The following ARMS2 variants were observed in gnomAD, a reference collection of about 807,000 sequenced individuals.
The protein encoded by ARMS2 is age-related maculopathy susceptibility 2.
In ARMS2, 4 loss-of-function variants were observed where a neutral mutation model predicts 6.0. That is an observed-to-expected ratio of 0.67 (90% confidence interval 0.33 to 1.53). ARMS2 has a LOEUF of 1.53. ARMS2 is among the 40% of genes most tolerant of loss of function. ARMS2 has a pLI of 0.06. For missense variants in ARMS2, 99 were observed against 127.6 expected, an observed-to-expected ratio of 0.78 and a Z score of 1.08; for synonymous variants, 49 against 51.7, an observed-to-expected ratio of 0.95 and a Z score of 0.22.
rs770576283 is a variant in ARMS2 at position 122,454,950 on chromosome 10, C to T, written c.223C>T (p.Leu75Phe). 6.2e-7 allele frequency: 1 copy of T among 1,613,932 alleles called. No homozygotes were observed. Among genetic ancestry groups the T allele is most frequent in the Admixed American group, 1.7e-5 (1 of 60,024 alleles). The stretch of plus-strand genomic sequence containing the variant: ...CCCAGCTGCTAAAATCCACACTGAG[C>T]TCTGCTTACCAGCCTTCTTCTCTCC... Reference protein sequence around the residue: ...MIPAAKIHTELCLPAFFSPAG... With the variant: ...MIPAAKIHTEFCLPAFFSPAG... Residue 75 changes from leucine to phenylalanine, a missense_variant, in exon 1 of 2, where the codon CTC (leucine) becomes TTC (phenylalanine). Transcript: ENST00000528446.
rs532010317 is a variant in ARMS2 at position 122,454,968 on chromosome 10, TTC to T, written c.246_247del (p.Pro83CysfsTer45). The T allele has an allele frequency of 2.9e-4, 468 of 1,613,652 alleles. 3 individuals carry two copies. The African/African-American group carries it at 5.7e-3, about 20-fold the overall frequency. On this transcript the variant is annotated frameshift_variant, in exon 1 of 2. Coordinates refer to ENST00000528446, the MANE Select transcript of ARMS2 (RefSeq NM_001099667.3). LOFTEE classifies it high-confidence loss of function. Reference protein sequence around the residue: ...IHTELCLPAFFSPAGTQRRFQ... With the variant: ...IHTELCLPAFXSPAGTQRRFQ... ...CACTGAGCTCTGCTTACCAGCCTTCTTCTCTCCTGCTGGAACCCAGAGGAGGT... is the reference window on the plus strand; with the variant it reads ...CACTGAGCTCTGCTTACCAGCCTTCTTCTCCTGCTGGAACCCAGAGGAGGT...
chr10:122,454,722 C>A lies in ARMS2; in HGVS notation c.-6C>A. ...TTTGTCACCACATTATGTCCCTGTACCCTACATGCTGCGCCTATACCCAGG... is the reference window on the plus strand; with the variant it reads ...TTTGTCACCACATTATGTCCCTGTAACCTACATGCTGCGCCTATACCCAGG... On this transcript the variant is annotated 5_prime_UTR_variant, in exon 1 of 2. An upstream open reading frame in the 5' UTR gains an earlier in-frame stop. Transcript: ENST00000528446. 1 of 1,613,308 alleles carries A rather than the reference C, an allele frequency of 6.2e-7. No homozygotes were observed. Among genetic ancestry groups the A allele is most frequent in the Non-Finnish European group, 8.5e-7 (1 of 1,179,732 alleles).
At position 122,455,348 on chromosome 10, in the gene ARMS2, C is replaced by T. The variant is rs113478704; in HGVS notation, c.297+324C>T. 7.6e-3 allele frequency among the ~76,000 whole-genome samples: 1,158 copies of T among 152,292 alleles called. 21 individuals carry two copies. Among genetic ancestry groups the T allele is most frequent in the African/African-American group, 0.026 (1,078 of 41,554 alleles). ...AGGCCATCTGAGTGGCCCCTCAAGC[C>T]GGTGAATTGGCTTTAGGGTTTACTG... On this transcript the variant is annotated intron_variant, in intron 1 of 1. Coordinates refer to ENST00000528446, the MANE Select transcript of ARMS2 (RefSeq NM_001099667.3).
chr10:122,455,337 G>A (rs2097476326), intron 1 of ARMS2, among the ~76,000 whole-genome samples: 1 of 152,200 alleles, frequency 6.6e-6, no homozygotes, highest in Non-Finnish European at 1.5e-5. Context: ...CATCTGAGTG[G>A]CCCCTCAAGC....
chr10:122,455,450 A>G (rs1341194746), intron 1 of ARMS2, among the ~76,000 whole-genome samples: 2 of 152,154 alleles, frequency 1.3e-5, no homozygotes, highest in Non-Finnish European at 2.9e-5. Flanking sequence ...CATTCTTTCA[A>G]TATTCTCACG....
In ARMS2 at chr10:122,457,005, T is replaced by G; in HGVS notation, c.*72T>G. On this transcript the variant is annotated 3_prime_UTR_variant, in exon 2 of 2. Transcript: ENST00000528446. Reference sequence around the variant, plus strand: ...AGCATCAATGTGAAGCCAAAAATCCTTAGGAGGACAGAGGGAGTCCCTCAC... The same window carrying G: ...AGCATCAATGTGAAGCCAAAAATCCGTAGGAGGACAGAGGGAGTCCCTCAC... The G allele has an allele frequency of 1.9e-6, 3 of 1,547,370 alleles. No homozygotes were observed. The highest frequency in any genetic ancestry group is 2.6e-6 in the Non-Finnish European group (3 of 1,144,108).
intron 1 of ARMS2, 38 bp downstream of exon 1, chr10:122,455,062 A>G: frequency 1.7e-6 from 2 of 1,172,420 alleles, no homozygotes; most frequent in Non-Finnish European, 2.5e-6. Flanking sequence ...CCCCAGACCT[A>G]TTGAATCAGA....
intron 1 of ARMS2, among the ~76,000 whole-genome samples, chr10:122,456,698 A>T (rs1259265497): frequency 6.6e-6 from 1 of 151,824 alleles, no homozygotes; most frequent in Non-Finnish European, 1.5e-5. Flanking sequence ...GAACTTCCTC[A>T]CCTTTGTCCT....
chr10:122,457,217 A>G lies in ARMS2; in HGVS notation c.*284A>G. The G allele has an allele frequency of 5.3e-6, 2 of 375,820 alleles. No homozygotes were observed. The highest frequency in any genetic ancestry group is 9.5e-6 in the Non-Finnish European group (2 of 211,320). 23.3% of individuals were successfully genotyped at this position (375,820 alleles called of 1,614,324 possible). A position where few individuals can be genotyped will look rare whatever the true frequency, so the allele number is the denominator to read the frequency against. ...TTCTCAACCCTTGAGATGCAGCCCA[A>G]TCTTCTCCTAACATCTGGATTCCTC... On this transcript the variant is annotated 3_prime_UTR_variant, in exon 2 of 2. Transcript: ENST00000528446.
intron 1 of ARMS2, among the ~76,000 whole-genome samples, chr10:122,456,484 A>G (rs954743083): frequency 6.6e-6 from 1 of 151,422 alleles, no homozygotes; most frequent in Non-Finnish European, 1.5e-5. Flanking sequence ...GTGAAACCCC[A>G]TCTCTACTAA....
chr10:122,457,143 G>C lies in ARMS2; in HGVS notation c.*210G>C. ...TTCCCCACCTGGGCGGACTCATCAC[G>C]TCATCACCAATTGGATGCATCTTCT... On this transcript the variant is annotated 3_prime_UTR_variant, in exon 2 of 2. Transcript: ENST00000528446. The C allele has an allele frequency of 3.5e-6, 2 of 577,772 alleles. No homozygotes were observed. Among genetic ancestry groups the C allele is most frequent in the Non-Finnish European group, 6.0e-6 (2 of 331,770 alleles). 35.8% of individuals were successfully genotyped at this position (577,772 alleles called of 1,614,324 possible).
Position 122,457,146 on chromosome 10 carries a change from A to G in ARMS2, c.*213A>G, listed in dbSNP as rs1407621786. The G allele has an allele frequency of 5.2e-6, 3 of 573,432 alleles. No homozygotes were observed. Among genetic ancestry groups the G allele is most frequent in the East Asian group, 2.9e-5 (1 of 34,126 alleles). 35.5% of individuals were successfully genotyped at this position (573,432 alleles called of 1,614,324 possible). On this transcript the variant is annotated 3_prime_UTR_variant, in exon 2 of 2. Transcript: ENST00000528446. ...CCCACCTGGGCGGACTCATCACGTCATCACCAATTGGATGCATCTTCTGCT... is the reference window on the plus strand; with the variant it reads ...CCCACCTGGGCGGACTCATCACGTCGTCACCAATTGGATGCATCTTCTGCT...
Position 122,456,895 on chromosome 10 carries a change from T to G in ARMS2, c.298-12T>G, listed in dbSNP as rs546339512. Reference sequence around the variant, plus strand: ...TTAAAAATGCATATTACTAAATCTATTTTTTTTTCAGTCTATCATCCACAC... The same window carrying G: ...TTAAAAATGCATATTACTAAATCTAGTTTTTTTTCAGTCTATCATCCACAC... On this transcript the variant is annotated splice_polypyrimidine_tract_variant and intron_variant, in intron 1 of 1. Transcript: ENST00000528446. The G allele has an allele frequency of 3.3e-6, 5 of 1,515,724 alleles. No individual in the cohort carries two copies. The highest frequency in any genetic ancestry group is 1.2e-5 in the South Asian group (1 of 81,746). The allele number at this position is 1,515,724 out of a possible 1,614,324, so 93.9% of individuals were successfully genotyped here. A position where few individuals can be genotyped will look rare whatever the true frequency, so the allele number is the denominator to read the frequency against.
At chr10:122,456,071 A>G (rs939580355) in intron 1 of ARMS2, among the ~76,000 whole-genome samples, 1 of 152,154 alleles carries the variant, frequency 6.6e-6, no homozygotes, top group South Asian at 2.1e-4. Flanking sequence ...GATTTAGGGG[A>G]AGGGTTCGCC....
At chr10:122,456,524 A>G (rs1208730460) in intron 1 of ARMS2, among the ~76,000 whole-genome samples, 4 of 151,920 alleles carry the variant, frequency 2.6e-5, no homozygotes, top group Non-Finnish European at 5.9e-5. Context: ...GCATGGTGGC[A>G]GCACCTGTAA....
chr10:122,456,980 A>G lies in ARMS2; in HGVS notation c.*47A>G. The G allele has an allele frequency of 6.4e-7, 1 of 1,550,892 alleles. No homozygotes were observed. The highest frequency in any genetic ancestry group is 2.4e-5 in the East Asian group (1 of 40,898). On this transcript the variant is annotated 3_prime_UTR_variant, in exon 2 of 2. Coordinates refer to ENST00000528446, the MANE Select transcript of ARMS2 (RefSeq NM_001099667.3). Reference sequence around the variant, plus strand: ...TAAAAGCCAACTGGAGCTTCTCATCAGCATCAATGTGAAGCCAAAAATCCT... The same window carrying G: ...TAAAAGCCAACTGGAGCTTCTCATCGGCATCAATGTGAAGCCAAAAATCCT...
rs2097475771 is a variant in ARMS2 at position 122,454,733 on chromosome 10, G to A, written c.6G>A (p.Leu2=). 3.1e-6 allele frequency: 5 copies of A among 1,613,764 alleles called. No homozygotes were observed. Among genetic ancestry groups the A allele is most frequent in the Non-Finnish European group, 3.4e-6 (4 of 1,179,854 alleles). The change falls in exon 1 of 2, where the codon CTG becomes CTA. Residue 2 remains leucine, a synonymous_variant. Transcript: ENST00000528446. ...ATTATGTCCCTGTACCCTACATGCT[G>A]CGCCTATACCCAGGACCGATGGTAA... M[L]RLYPGPMVTE...
At chr10:122,456,862 A>T (rs2097477536) in intron 1 of ARMS2, 45 bp from the exon 2 acceptor site, 4 of 1,486,224 alleles carry the variant, frequency 2.7e-6, no homozygotes, top group South Asian at 2.5e-5. Flanking sequence ...AAATATCGTC[A>T]TGTGTCTTTA....
Position 122,457,038 on chromosome 10 carries a change from A to G in ARMS2, c.*105A>G, listed in dbSNP as rs945200462. The G allele has an allele frequency of 1.1e-5, 16 of 1,445,970 alleles. No homozygotes were observed. Among genetic ancestry groups the G allele is most frequent in the Non-Finnish European group, 1.5e-5 (16 of 1,059,540 alleles). 89.6% of individuals were successfully genotyped at this position (1,445,970 alleles called of 1,614,324 possible). On this transcript the variant is annotated 3_prime_UTR_variant, in exon 2 of 2. Transcript: ENST00000528446. ...ACAGAGGGAGTCCCTCACAACCTAG[A>G]CTGGTCCCCTTCCCTCCAGCTGCCT...
Sources: gnomAD v4.1 joint callset for allele counts (sites outside exome capture counted in the v4.1 genomes callset) on GRCh38, gnomAD v4.1.1 for gene constraint, MANE v1.5 for transcripts, NCBI Gene and HGNC (gene_info 2026-07-23, HGNC 2026-07-21) for gene names.